The following ADCY2 variants were observed in gnomAD, a reference collection of about 807,000 sequenced individuals.
ADCY2 encodes adenylate cyclase type 2.
In ADCY2, 31 loss-of-function variants were observed where a neutral mutation model predicts 125.2. The observed-to-expected ratio is 0.25, with a 90% confidence interval of 0.19 to 0.33. ADCY2 has a LOEUF of 0.33. Ranked by LOEUF, ADCY2 falls within the 10% of genes least tolerant of loss-of-function variation. The probability of loss-of-function intolerance (pLI) is 1.00; values close to 1 mark genes in which losing one functional copy is unlikely to be tolerated. For missense variants in ADCY2, 904 were observed against 1,418.2 expected, an observed-to-expected ratio of 0.64 and a Z score of 5.82; for synonymous variants, 512 against 548.4, an observed-to-expected ratio of 0.93 and a Z score of 0.93.
intron 3 of ADCY2, among the ~76,000 whole-genome samples, chr5:7,559,718 A>T (rs1735647319): frequency 6.6e-6 from 1 of 152,186 alleles, no homozygotes; most frequent in South Asian, 2.1e-4. Context: ...TATGTTGAAT[A>T]GAAGTGGTGA....
intron 22 of ADCY2, among the ~76,000 whole-genome samples, chr5:7,808,241 G>A (rs1744817644): frequency 6.6e-6 from 1 of 152,162 alleles, no homozygotes; most frequent in Admixed American, 6.5e-5. Flanking sequence ...CTGGAAGTGT[G>A]TGTATGTTTC....
chr5:7,634,703 G>GT (rs11362995), intron 4 of ADCY2, among the ~76,000 whole-genome samples: 26,506 of 144,988 alleles, frequency 0.18, 2,569 homozygotes, highest in East Asian at 0.44. Flanking sequence ...AAATTTACAG[G>GT]TTTTTTTTTT....
chr5:7,649,952 G>T (rs922540786), intron 4 of ADCY2, among the ~76,000 whole-genome samples: 8 of 151,958 alleles, frequency 5.3e-5, no homozygotes, highest in African/African-American at 1.9e-4. Flanking sequence ...GCCATCTGCA[G>T]ATGGCCCCAG....
chr5:7,731,277 G>A (rs887066024), intron 14 of ADCY2, among the ~76,000 whole-genome samples: 3 of 143,736 alleles, frequency 2.1e-5, no homozygotes, highest in African/African-American at 5.2e-5. Context: ...TTTTGATGGA[G>A]TCTTGCTCTG....
intron 2 of ADCY2, among the ~76,000 whole-genome samples, chr5:7,441,763 C>A (rs1049271510): frequency 6.6e-6 from 1 of 152,142 alleles, no homozygotes; most frequent in African/African-American, 2.4e-5. Context: ...TGGCACATCT[C>A]TAATCAATTG....
chr5:7,788,838 C>T (rs978654829), intron 19 of ADCY2, among the ~76,000 whole-genome samples: 1 of 152,128 alleles, frequency 6.6e-6, no homozygotes, highest in Non-Finnish European at 1.5e-5. Flanking sequence ...AATACACACT[C>T]TCCACTAAGC....
intron 4 of ADCY2, chr5:7,654,322 G>T: frequency 2.8e-6 from 1 of 359,430 alleles, no homozygotes; most frequent in Admixed American, 3.7e-5. Context: ...CTGCAGCACA[G>T]GGAGGCCAAG....
chr5:7,747,272 C>T lies in ADCY2; in HGVS notation c.1956+3520C>T, dbSNP rs181138201. ...CTGCACCAAGCCCTTCTTTTTACAC[C>T]GTGGGACTGACAATCTGTGTCACGT... On this transcript the variant is annotated intron_variant, in intron 15 of 24. Transcript: ENST00000338316. Among the ~76,000 whole-genome samples the T allele has an allele frequency of 1.3e-3, 197 of 152,302 alleles. 1 individual carries two copies. Among genetic ancestry groups the T allele is most frequent in the African/African-American group, 4.5e-3 (188 of 41,566 alleles).
rs138753747 is a variant in ADCY2 at position 7,810,274 on chromosome 5, T to C, written c.2883+5582T>C. On this transcript the variant is annotated intron_variant, in intron 22 of 24. Transcript: ENST00000338316. ...ATTGATGGGTTATCTACCTGATTGG[T>C]GGGTTATCTGCTTGAATGGTGGGTT... Among the ~76,000 whole-genome samples the C allele has an allele frequency of 6.2e-3, 948 of 152,142 alleles. 13 individuals carry two copies. The highest frequency in any genetic ancestry group is 0.022 in the African/African-American group (911 of 41,502).
intron 3 of ADCY2, among the ~76,000 whole-genome samples, chr5:7,572,148 A>G (rs1038485438): frequency 1.3e-5 from 2 of 152,178 alleles, no homozygotes; most frequent in Admixed American, 1.3e-4. Flanking sequence ...TCCTGTGGGT[A>G]TATACCTAGT....
intron 2 of ADCY2, among the ~76,000 whole-genome samples, chr5:7,430,472 G>A (rs934948984): frequency 2.0e-5 from 3 of 147,282 alleles, no homozygotes; most frequent in African/African-American, 7.8e-5. Context: ...AATTTATCAA[G>A]TGATTACCAC....
rs531910849 is a variant in ADCY2 at position 7,651,110 on chromosome 5, C to A, written c.720+24794C>A. 2.0e-5 allele frequency among the ~76,000 whole-genome samples: 3 copies of A among 152,224 alleles called. 1 individual carries two copies. The highest frequency in any genetic ancestry group is 1.3e-4 in the Admixed American group (2 of 15,288). ...AACCCAGGGGTCCTAATTTGAAACCCAGCATCAAAGCATTCTTCTTTAAAA... is the reference window on the plus strand; with the variant it reads ...AACCCAGGGGTCCTAATTTGAAACCAAGCATCAAAGCATTCTTCTTTAAAA... On this transcript the variant is annotated intron_variant, in intron 4 of 24. Coordinates refer to ENST00000338316, the MANE Select transcript of ADCY2 (RefSeq NM_020546.3).
intron 7 of ADCY2, among the ~76,000 whole-genome samples, chr5:7,705,107 T>C (rs1221594011): frequency 6.6e-6 from 1 of 152,180 alleles, no homozygotes; most frequent in Non-Finnish European, 1.5e-5. Flanking sequence ...TGGTTGGAAA[T>C]GTCCTCTCAA....
At chr5:7,735,519 G>A (rs767987215) in intron 14 of ADCY2, among the ~76,000 whole-genome samples, 6 of 152,100 alleles carry the variant, frequency 3.9e-5, no homozygotes, top group Non-Finnish European at 5.9e-5. Flanking sequence ...AGTTTGTTGA[G>A]TTTTTTCATT....
intron 22 of ADCY2, among the ~76,000 whole-genome samples, chr5:7,814,670 C>A (rs1745052242): frequency 6.6e-6 from 1 of 152,204 alleles, no homozygotes; most frequent in African/African-American, 2.4e-5. Flanking sequence ...CTTGCTGTCA[C>A]CTTGAATAGG....
At chr5:7,603,427 A>C (rs1214683180) in intron 3 of ADCY2, among the ~76,000 whole-genome samples, 1 of 152,234 alleles carries the variant, frequency 6.6e-6, no homozygotes, top group East Asian at 1.9e-4. Flanking sequence ...GAATGCCAGA[A>C]TTGTTAAGAA....
intron 20 of ADCY2, chr5:7,798,137 T>C (rs326137): frequency 6.6e-6 from 1 of 152,070 alleles, no homozygotes; most frequent in Non-Finnish European, 1.5e-5. Flanking sequence ...GCTGCCTGGG[T>C]GACGGGGGGA....
chr5:7,420,876 T>G (rs77962811), intron 2 of ADCY2, among the ~76,000 whole-genome samples: 29 of 152,326 alleles, frequency 1.9e-4, no homozygotes, highest in African/African-American at 6.5e-4. Flanking sequence ...GCTGCGATTG[T>G]GTTTCATTTT....
intron 4 of ADCY2, among the ~76,000 whole-genome samples, chr5:7,626,866 A>G (rs1738148081): frequency 6.6e-6 from 1 of 152,172 alleles, no homozygotes; most frequent in South Asian, 2.1e-4. Context: ...TGGAGAGGAC[A>G]AGCATCTAAA....
Sources: gnomAD v4.1 joint callset for allele counts (sites outside exome capture counted in the v4.1 genomes callset) on GRCh38, gnomAD v4.1.1 for gene constraint, MANE v1.5 for transcripts, NCBI Gene and HGNC (gene_info 2026-07-23, HGNC 2026-07-21) for gene names.